CHRM2: variants seen among roughly 807,000 people sequenced by gnomAD.
The protein encoded by CHRM2 is muscarinic acetylcholine receptor M2.
A neutral mutation model predicts 25.0 loss-of-function variants in CHRM2; 8 were observed. The ratio of observed to expected loss-of-function variants is 0.32; its 90% confidence interval spans 0.19 to 0.58. The LOEUF is 0.58. Among genes scored for constraint, CHRM2 ranks in the 20% least tolerant of loss-of-function variants. CHRM2 has a pLI of 0.88. For synonymous variants in CHRM2, 202 were observed against 205.7 expected, an observed-to-expected ratio of 0.98 and a Z score of 0.15; for missense variants, 440 against 567.1, an observed-to-expected ratio of 0.78 and a Z score of 2.28.
chr7:136,990,305 T>C (rs1302375858), intron 2 of CHRM2, among the ~76,000 whole-genome samples: 1 of 152,112 alleles, frequency 6.6e-6, no homozygotes, highest in Non-Finnish European at 1.5e-5. Flanking sequence ...TATAATGACA[T>C]GTACCCATCA....
At chr7:136,993,849 A>G (rs181667879) in intron 3 of CHRM2, among the ~76,000 whole-genome samples, 12 of 152,282 alleles carry the variant, frequency 7.9e-5, no homozygotes, top group Admixed American at 2.6e-4. Context: ...TCAAAAGAAA[A>G]AAAGCACTCA....
At chr7:137,002,259 G>T (rs1015932315) in intron 3 of CHRM2, among the ~76,000 whole-genome samples, 8 of 152,056 alleles carry the variant, frequency 5.3e-5, no homozygotes, top group African/African-American at 1.9e-4. Context: ...GAGTGATATG[G>T]TAAATGCAAG....
At chr7:136,934,234 TTGAG>T (rs913255795) in intron 2 of CHRM2, among the ~76,000 whole-genome samples, 16 of 152,166 alleles carry the variant, frequency 1.1e-4, no homozygotes, top group Non-Finnish European at 1.9e-4. Flanking sequence ...AAGCTTAAAT[TTGAG>T]TCCTTTTAGA....
At chr7:136,871,756 C>T (rs908678848) in intron 2 of CHRM2, 9 of 152,166 alleles carry the variant, frequency 5.9e-5, no homozygotes, top group African/African-American at 2.2e-4. Context: ...CAATTTTAAG[C>T]TGGGAACTGT....
intron 2 of CHRM2, among the ~76,000 whole-genome samples, chr7:136,968,998 G>C (rs1263902967): frequency 6.6e-6 from 1 of 151,926 alleles, no homozygotes; most frequent in African/African-American, 2.4e-5. Context: ...GAGCCTGTGT[G>C]AATACTGTAT....
At chr7:136,885,103 A>C (rs1206210922) in intron 2 of CHRM2, among the ~76,000 whole-genome samples, 1 of 152,242 alleles carries the variant, frequency 6.6e-6, no homozygotes, top group Admixed American at 6.5e-5. Context: ...AACTTGCTTC[A>C]ATCTTTTTAG....
intron 2 of CHRM2, among the ~76,000 whole-genome samples, chr7:136,907,486 G>T (rs1325175141): frequency 1.3e-5 from 2 of 151,876 alleles, no homozygotes; most frequent in Non-Finnish European, 2.9e-5. Flanking sequence ...AGATTATCAA[G>T]AAGCACCAAA....
chr7:136,939,743 A>G (rs938502109), intron 2 of CHRM2, among the ~76,000 whole-genome samples: 1 of 152,226 alleles, frequency 6.6e-6, no homozygotes, highest in Non-Finnish European at 1.5e-5. Flanking sequence ...AAGCTAATAG[A>G]GTGGATAGAA....
intron 2 of CHRM2, among the ~76,000 whole-genome samples, chr7:136,957,870 ATCAAT>A (rs768087663): frequency 6.6e-6 from 1 of 152,254 alleles, no homozygotes; most frequent in Non-Finnish European, 1.5e-5. Context: ...AAAACGTTTT[ATCAAT>A]TCAAAAGTTT....
chr7:136,923,359 G>A (rs1031212347), intron 2 of CHRM2, among the ~76,000 whole-genome samples: 2 of 149,774 alleles, frequency 1.3e-5, no homozygotes, highest in Admixed American at 1.3e-4. Flanking sequence ...CATGAACTGT[G>A]TACATTCCTC....
intron 3 of CHRM2, among the ~76,000 whole-genome samples, chr7:136,997,199 A>G (rs1319671605): frequency 6.6e-6 from 1 of 152,220 alleles, no homozygotes; most frequent in Non-Finnish European, 1.5e-5. Context: ...GTACATGTAT[A>G]TGTGTATGAG....
rs767884735 is a variant in CHRM2 at position 137,016,245 on chromosome 7, G to A, written c.1380G>A (p.Lys460=). The stretch of plus-strand genomic sequence containing the variant: ...AACACCTTCTCATGTGTCATTATAA[G>A]AACATAGGCGCTACAAGGTAAAATA... ...TFKHLLMCHY[K]NIGATR is the part of the protein sequence containing the mutation. Residue 460 remains lysine (K), a synonymous_variant, in exon 4 of 4, where the codon AAG becomes AAA. Coordinates refer to ENST00000680005, the MANE Select transcript of CHRM2 (RefSeq NM_001006630.2). 1.2e-6 allele frequency: 2 copies of A among 1,612,652 alleles called. No individual in the cohort carries two copies. Among genetic ancestry groups the A allele is most frequent in the Admixed American group, 1.7e-5 (1 of 59,900 alleles).
chr7:136,905,033 C>T (rs1332765995), intron 2 of CHRM2, among the ~76,000 whole-genome samples: 1 of 151,910 alleles, frequency 6.6e-6, no homozygotes, highest in East Asian at 1.9e-4. Flanking sequence ...ATGTTCAACA[C>T]AAATATTAAT....
At chr7:136,969,223 AT>A (rs1469493932) in intron 2 of CHRM2, among the ~76,000 whole-genome samples, 5 of 152,294 alleles carry the variant, frequency 3.3e-5, no homozygotes, top group South Asian at 2.1e-4. Flanking sequence ...TGGAAAAAAA[AT>A]AACTTGTTAA....
Position 136,930,287 on chromosome 7 carries a change from T to G in CHRM2, c.-125+60869T>G, listed in dbSNP as rs115801518. ...AACTCTACTAAAACTACAAAACAAA[T>G]TAGCCAGGCATCGTGGCACACACCT... On this transcript the variant is annotated intron_variant, in intron 2 of 3. Coordinates refer to ENST00000680005, the MANE Select transcript of CHRM2 (RefSeq NM_001006630.2). 8.8e-3 allele frequency among the ~76,000 whole-genome samples: 1,333 copies of G among 151,938 alleles called. 18 individuals are homozygous for G. Among genetic ancestry groups the G allele is most frequent in the African/African-American group, 0.03 (1,237 of 41,474 alleles).
At chr7:137,011,215 G>GTGTGTGTGTGTATATATATATA in intron 3 of CHRM2, among the ~76,000 whole-genome samples, 1,695 of 133,994 alleles carry the variant, frequency 0.013, 18 homozygotes, top group Middle Eastern at 0.023. Flanking sequence ...GTGTGTGTGT[G>GTGTGTGTGTGTATATATATATA]TATATATATA....
At position 136,891,828 on chromosome 7, in the gene CHRM2, A is replaced by G. The variant is rs113366393; in HGVS notation, c.-125+22410A>G. Among the ~76,000 whole-genome samples the G allele has an allele frequency of 1.8e-3, 280 of 152,278 alleles. 2 individuals carry two copies. The highest frequency in any genetic ancestry group is 6.4e-3 in the African/African-American group (265 of 41,566). ...CATAGCCAGCATATTATTATTGTTCAGTCTGATTATCTGCCGCTCCTCAGA... is the reference window on the plus strand; with the variant it reads ...CATAGCCAGCATATTATTATTGTTCGGTCTGATTATCTGCCGCTCCTCAGA... On this transcript the variant is annotated intron_variant, in intron 2 of 3. Coordinates refer to ENST00000680005, the MANE Select transcript of CHRM2 (RefSeq NM_001006630.2).
At chr7:136,952,910 G>C (rs527682127) in intron 2 of CHRM2, among the ~76,000 whole-genome samples, 1 of 152,016 alleles carries the variant, frequency 6.6e-6, no homozygotes, top group South Asian at 2.1e-4. Context: ...ACATGATCTC[G>C]TTCTTTTTTA....
At chr7:136,913,396 T>A (rs1797945712) in intron 2 of CHRM2, among the ~76,000 whole-genome samples, 1 of 151,950 alleles carries the variant, frequency 6.6e-6, no homozygotes, top group Non-Finnish European at 1.5e-5. Flanking sequence ...CTTGGGAACC[T>A]AACAGAAGTA....
Sources: gnomAD v4.1 joint callset for allele counts (sites outside exome capture counted in the v4.1 genomes callset) on GRCh38, gnomAD v4.1.1 for gene constraint, MANE v1.5 for transcripts, NCBI Gene and HGNC (gene_info 2026-07-23, HGNC 2026-07-21) for gene names.